Variants in CEP63 observed in about 807,000 individuals in gnomAD.
The protein encoded by CEP63 is centrosomal protein 63.
CEP63 carries 84 observed loss-of-function variants against 89.1 expected under a neutral mutation model. That is an observed-to-expected ratio of 0.94 (90% CI 0.79 to 1.13). The LOEUF (loss-of-function observed/expected upper bound fraction) is 1.13, where lower values mean the gene tolerates loss of function less well. Ranked by LOEUF, CEP63 falls within the 50% of genes most tolerant of loss-of-function variation. The pLI, the probability that CEP63 is intolerant of heterozygous loss-of-function variation, is 0.00. For synonymous variants in CEP63, 267 were observed against 272.5 expected (o/e 0.98, Z 0.20); for missense variants, 838 against 813.3 (o/e 1.03, Z -0.37).
chr3:134,645,966 C>T, the CEP63 span, among the ~76,000 whole-genome samples: 3 of 152,142 alleles, frequency 2.0e-5, no homozygotes, highest in Non-Finnish European at 4.4e-5. Flanking sequence ...TAATAACATG[C>T]CTGAGAAGCC....
At chr3:134,670,335 AAG>A in the CEP63 span, among the ~76,000 whole-genome samples, 1 of 152,224 alleles carries the variant, frequency 6.6e-6, no homozygotes, top group African/African-American at 2.4e-5. Flanking sequence ...TTGTTAAAAA[AAG>A]AGTTGCTAGC....
At chr3:134,750,825 C>T in the CEP63 span, among the ~76,000 whole-genome samples, 1 of 152,174 alleles carries the variant, frequency 6.6e-6, no homozygotes, top group African/African-American at 2.4e-5. Flanking sequence ...CCAGAGAAAG[C>T]TTTGTTTGCT....
At chr3:134,700,914 G>A in the CEP63 span, among the ~76,000 whole-genome samples, 5 of 152,082 alleles carry the variant, frequency 3.3e-5, no homozygotes, top group Non-Finnish European at 7.3e-5. Flanking sequence ...TGGCTGGTCT[G>A]CCAGTTTGCT....
At chr3:134,529,868 A>ATT (rs58922185) in intron 3 of CEP63, among the ~76,000 whole-genome samples, 6,994 of 103,094 alleles carry the variant, frequency 0.068, 438 homozygotes, top group South Asian at 0.12. Context: ...AGGTTAAGAA[A>ATT]TTTTTTTTTT....
the CEP63 span, chr3:134,779,720 C>T: frequency 6.6e-6 from 1 of 152,158 alleles, no homozygotes; most frequent in African/African-American, 2.4e-5. Flanking sequence ...TCCATGTGTT[C>T]TTCTCTTTTC....
chr3:134,582,220 TG>T (rs58156550), intron 10 of CEP63, among the ~76,000 whole-genome samples: 97,714 of 151,822 alleles, frequency 0.64, 32,001 homozygotes, highest in East Asian at 0.81. Context: ...AGGGTAGATG[TG>T]CACAACGTGC....
intron 5 of CEP63, 104 bp downstream of exon 5, chr3:134,533,004 A>G: frequency 8.6e-7 from 1 of 1,167,314 alleles, no homozygotes; most frequent in Non-Finnish European, 1.3e-6. Flanking sequence ...CTACTATCTT[A>G]AGGACTGCCA....
chr3:134,654,794 A>G, the CEP63 span, among the ~76,000 whole-genome samples: 2 of 152,136 alleles, frequency 1.3e-5, no homozygotes, highest in Admixed American at 1.3e-4. Context: ...GAGGGCGGGT[A>G]TAGAAGGAAC....
chr3:134,658,697 G>T, the CEP63 span, among the ~76,000 whole-genome samples: 1 of 152,176 alleles, frequency 6.6e-6, no homozygotes, highest in Non-Finnish European at 1.5e-5. Context: ...TACAGGGAAC[G>T]AAGAAGAAGG....
At chr3:134,607,474 C>T in the CEP63 span, 41 of 985,534 alleles carry the variant, frequency 4.2e-5, no homozygotes, top group East Asian at 4.5e-4. Flanking sequence ...CTGTCCTGGG[C>T]GGATGGAGGC....
the CEP63 span, among the ~76,000 whole-genome samples, chr3:134,671,548 T>C: frequency 6.6e-6 from 1 of 152,254 alleles, no homozygotes; most frequent in African/African-American, 2.4e-5. Context: ...CTTTGTTCAC[T>C]TCCAGTGGCG....
chr3:134,601,441 C>G, the CEP63 span, among the ~76,000 whole-genome samples: 1 of 152,180 alleles, frequency 6.6e-6, no homozygotes, highest in African/African-American at 2.4e-5. Flanking sequence ...GCAGCCAGCG[C>G]GGGGTCCAGT....
the CEP63 span, among the ~76,000 whole-genome samples, chr3:134,654,424 A>G: frequency 0.017 from 2,595 of 152,260 alleles, 82 homozygotes; most frequent in African/African-American, 0.059. Flanking sequence ...AGCCAATGCA[A>G]TAAAGGCTTT....
At chr3:134,651,010 T>C in the CEP63 span, 3 of 1,610,492 alleles carry the variant, frequency 1.9e-6, no homozygotes, top group Non-Finnish European at 2.5e-6. Context: ...GCTAGGCTGC[T>C]TGCGCTGCAA....
At chr3:134,627,202 C>T in the CEP63 span, among the ~76,000 whole-genome samples, 1 of 152,144 alleles carries the variant, frequency 6.6e-6, no homozygotes, top group East Asian at 1.9e-4. Context: ...TACATAAATA[C>T]ATTTAAAACA....
At chr3:134,626,678 C>T in the CEP63 span, among the ~76,000 whole-genome samples, 6 of 152,196 alleles carry the variant, frequency 3.9e-5, no homozygotes, top group Non-Finnish European at 1.5e-5. Flanking sequence ...CTAGACCTGG[C>T]TCCAGCCCCT....
At chr3:134,643,091 G>A in the CEP63 span, among the ~76,000 whole-genome samples, 5 of 152,196 alleles carry the variant, frequency 3.3e-5, no homozygotes, top group Admixed American at 3.3e-4. Context: ...AGGCCCATGG[G>A]CTTTATTTCT....
At chr3:134,643,948 T>A in the CEP63 span, among the ~76,000 whole-genome samples, 1 of 151,332 alleles carries the variant, frequency 6.6e-6, no homozygotes, top group African/African-American at 2.4e-5. Flanking sequence ...TGCCTCCACC[T>A]CCGGAGCAGC....
the CEP63 span, among the ~76,000 whole-genome samples, chr3:134,774,459 TG>T: frequency 0.027 from 4,072 of 152,332 alleles, 169 homozygotes; most frequent in African/African-American, 0.093. Flanking sequence ...AAGACCCTTT[TG>T]TTCCACTGAA....
Sources: allele counts gnomAD v4.1 joint callset (sites outside exome capture counted in the v4.1 genomes callset), GRCh38; gene constraint gnomAD v4.1.1; transcripts MANE v1.5; gene names NCBI Gene and HGNC (gene_info 2026-07-23, HGNC 2026-07-21).